LSAMP: variants seen among roughly 807,000 people sequenced by gnomAD.
LSAMP encodes limbic system associated membrane protein.
Under a neutral mutation model 38.6 loss-of-function variants are expected in LSAMP, and 7 were observed. The ratio of observed to expected loss-of-function variants is 0.18; its 90% CI spans 0.10 to 0.34. LSAMP has a LOEUF of 0.34. Among genes scored for constraint, LSAMP ranks in the 10% least tolerant of loss-of-function variants. The pLI is 1.00. For synonymous variants in LSAMP, 154 were observed against 166.8 expected (o/e 0.92, Z 0.59); for missense variants, 313 against 420.0 (o/e 0.75, Z 2.23).
intron 1 of LSAMP, among the ~76,000 whole-genome samples, chr3:116,093,613 G>T (rs963090265): frequency 7.2e-5 from 11 of 152,110 alleles, no homozygotes; most frequent in African/African-American, 2.7e-4. Flanking sequence ...TTTCATAATC[G>T]TAAAATGATG....
intron 1 of LSAMP, among the ~76,000 whole-genome samples, chr3:116,221,043 C>T (rs1472652549): frequency 6.9e-6 from 1 of 144,882 alleles, no homozygotes; most frequent in Non-Finnish European, 1.5e-5. Flanking sequence ...GTCCCAGCTA[C>T]TTGCGAGGGT....
chr3:116,072,038 C>T (rs13100598), intron 2 of LSAMP, among the ~76,000 whole-genome samples: 52,735 of 144,088 alleles, frequency 0.37, 9,727 homozygotes, highest in Admixed American at 0.43. Flanking sequence ...TGCAGTGGTG[C>T]GATCTCGGCT....
intron 1 of LSAMP, among the ~76,000 whole-genome samples, chr3:116,387,953 A>G (rs866278197): frequency 6.6e-6 from 1 of 152,026 alleles, no homozygotes; most frequent in Middle Eastern, 3.4e-3. Context: ...AGAAAAAAAA[A>G]ATGAGTTGGG....
intron 6 of LSAMP, chr3:115,816,468 A>T (rs1297781027): frequency 2.4e-6 from 1 of 408,496 alleles, no homozygotes; most frequent in Non-Finnish European, 4.3e-6. Flanking sequence ...GAAAAAGTTC[A>T]CAATTTGGAA....
chr3:116,166,967 A>G (rs965654401), intron 1 of LSAMP, among the ~76,000 whole-genome samples: 9 of 151,234 alleles, frequency 6.0e-5, no homozygotes, highest in Non-Finnish European at 1.3e-4. Flanking sequence ...ATTTTTTTGT[A>G]TTTTTAGTAG....
At chr3:115,885,838 G>T (rs1187315737) in intron 3 of LSAMP, among the ~76,000 whole-genome samples, 1 of 151,796 alleles carries the variant, frequency 6.6e-6, no homozygotes, top group Non-Finnish European at 1.5e-5. Flanking sequence ...AGGCTGGAGA[G>T]CCTGAAAAAA....
intron 1 of LSAMP, among the ~76,000 whole-genome samples, chr3:116,283,452 C>T (rs2047155156): frequency 6.6e-6 from 1 of 152,132 alleles, no homozygotes; most frequent in South Asian, 2.1e-4. Context: ...AAACTATTGA[C>T]TAATATGGCT....
chr3:116,079,417 G>A (rs774324758), intron 2 of LSAMP, among the ~76,000 whole-genome samples: 4 of 152,160 alleles, frequency 2.6e-5, no homozygotes, highest in Non-Finnish European at 5.9e-5. Context: ...CCAGCACAAT[G>A]GGAGGCCGAG....
chr3:115,894,575 A>G lies in LSAMP; in HGVS notation c.515-41958T>C, dbSNP rs371280031. 5.3e-5 allele frequency among the ~76,000 whole-genome samples: 8 copies of G among 152,166 alleles called. No homozygotes were observed. The South Asian group carries it at 1.2e-3, about 24-fold the overall frequency. ...GCAGACCATCTTATTCAGAAATACC[A>G]TCTTCTGAGTTAAGCCCACTAATTC... On this transcript the variant is annotated intron_variant, in intron 3 of 6. Transcript: ENST00000490035.
At chr3:116,068,889 A>G (rs553646215) in intron 2 of LSAMP, among the ~76,000 whole-genome samples, 25 of 152,348 alleles carry the variant, frequency 1.6e-4, no homozygotes, top group Admixed American at 9.8e-4. Context: ...TGAAACAGCT[A>G]TGTTATAAAG....
At chr3:115,966,844 G>A (rs16824357) in intron 3 of LSAMP, among the ~76,000 whole-genome samples, 37,225 of 152,020 alleles carry the variant, frequency 0.24, 5,221 homozygotes, top group African/African-American at 0.4. Context: ...GCAATAATAA[G>A]CCTAAATTTC....
At chr3:116,420,161 G>T (rs766009180) in intron 1 of LSAMP, among the ~76,000 whole-genome samples, 1 of 150,650 alleles carries the variant, frequency 6.6e-6, no homozygotes, top group Non-Finnish European at 1.5e-5. Flanking sequence ...GCAGTGGCAC[G>T]ATCTCAGCTC....
At chr3:115,904,890 G>C (rs1936971210) in intron 3 of LSAMP, among the ~76,000 whole-genome samples, 1 of 152,216 alleles carries the variant, frequency 6.6e-6, no homozygotes, top group South Asian at 2.1e-4. Context: ...ACTAGGTTTT[G>C]TTGGTCCCTC....
At chr3:116,227,088 T>C (rs1031594218) in intron 1 of LSAMP, among the ~76,000 whole-genome samples, 1 of 152,216 alleles carries the variant, frequency 6.6e-6, no homozygotes, top group African/African-American at 2.4e-5. Flanking sequence ...GTCCCCTTTA[T>C]AGTGATGCAT....
At chr3:115,858,179 C>T (rs956689974) in intron 3 of LSAMP, among the ~76,000 whole-genome samples, 2 of 151,214 alleles carry the variant, frequency 1.3e-5, no homozygotes, top group African/African-American at 4.9e-5. Flanking sequence ...CACACACACC[C>T]CACAAAAAGC....
chr3:116,049,511 G>A (rs1334861590), intron 2 of LSAMP, among the ~76,000 whole-genome samples: 1 of 152,152 alleles, frequency 6.6e-6, no homozygotes, highest in East Asian at 1.9e-4. Context: ...TGTGTTTGTA[G>A]GGTAGTTACA....
intron 2 of LSAMP, among the ~76,000 whole-genome samples, chr3:116,035,882 T>C (rs1941034400): frequency 1.3e-5 from 2 of 152,318 alleles, no homozygotes; most frequent in Non-Finnish European, 2.9e-5. Context: ...CCTCTTGGGG[T>C]TCCTTTGGGA....
chr3:116,281,965 A>G (rs1386966743), intron 1 of LSAMP, among the ~76,000 whole-genome samples: 3 of 152,244 alleles, frequency 2.0e-5, no homozygotes, highest in Non-Finnish European at 4.4e-5. Flanking sequence ...GTCAATAAGA[A>G]GTTTCACTGT....
chr3:116,091,828 A>C (rs1238543999), intron 1 of LSAMP, among the ~76,000 whole-genome samples: 1 of 152,212 alleles, frequency 6.6e-6, no homozygotes, highest in African/African-American at 2.4e-5. Context: ...TAGTGCCACG[A>C]GGAGAGGATC....
Sources: allele counts gnomAD v4.1 joint callset (sites outside exome capture counted in the v4.1 genomes callset), GRCh38; gene constraint gnomAD v4.1.1; transcripts MANE v1.5; gene names NCBI Gene and HGNC (gene_info 2026-07-23, HGNC 2026-07-21).